INTS13: variants seen among roughly 807,000 people sequenced by gnomAD.
INTS13 encodes the protein asunder, spermatogenesis regulator homolog (Drosphila).
A neutral mutation model predicts 90.2 loss-of-function variants in INTS13; 35 were observed. The observed-to-expected ratio is 0.39, with a 90% CI of 0.30 to 0.51. The LOEUF (loss-of-function observed/expected upper bound fraction) is 0.51, where lower values mean the gene tolerates loss of function less well. INTS13 is among the 20% of genes least tolerant of loss of function. The pLI is 0.80. For synonymous variants in INTS13, 309 were observed against 277.1 expected, an observed-to-expected ratio of 1.11 and a Z score of -1.14; for missense variants, 601 against 851.2, an observed-to-expected ratio of 0.71 and a Z score of 3.66.
chr12:26,938,296 C>T (rs1000719707), upstream of INTS13: 4 of 152,330 alleles, frequency 2.6e-5, no homozygotes, highest in African/African-American at 9.6e-5. Flanking sequence ...TCTCTCCACC[C>T]AGGCCGGTTT....
chr12:26,928,243 C>T lies in INTS13; in HGVS notation c.546G>A (p.Thr182=). 5.6e-6 allele frequency: 9 copies of T among 1,610,700 alleles called. No homozygotes were observed. The highest frequency in any genetic ancestry group is 6.8e-6 in the Non-Finnish European group (8 of 1,177,504). ...CAGCAAGCTTGTTATGTTCATGAATCGTTTCCTGGACACAGTCTTCAAGCA... is the reference window on the plus strand; with the variant it reads ...CAGCAAGCTTGTTATGTTCATGAATTGTTTCCTGGACACAGTCTTCAAGCA... The part of the protein sequence containing the change: ...VRMLEDCVQE[T]IHEHNKLAAN... Residue 182 remains threonine, a synonymous_variant, in exon 5 of 17, where the codon ACG becomes ACA. Transcript: ENST00000261191.
At chr12:26,920,159 G>C (rs758011249) in intron 8 of INTS13, among the ~76,000 whole-genome samples, 13 of 150,782 alleles carry the variant, frequency 8.6e-5, no homozygotes, top group Non-Finnish European at 1.5e-5. Flanking sequence ...ACTTAGGGAA[G>C]GTATCTGGGC....
intron 8 of INTS13, among the ~76,000 whole-genome samples, chr12:26,921,468 C>A (rs760063479): frequency 1.3e-5 from 2 of 152,050 alleles, no homozygotes; most frequent in Non-Finnish European, 2.9e-5. Context: ...CAGTCTTTTC[C>A]GAAGTAAATT....
chr12:26,931,431 G>A (rs896178278), intron 3 of INTS13, among the ~76,000 whole-genome samples: 18 of 147,830 alleles, frequency 1.2e-4, no homozygotes, highest in East Asian at 8.1e-4. Context: ...GCAACAGAGC[G>A]AGACTCTGTC....
At chr12:26,921,556 G>T (rs570651898) in intron 8 of INTS13, among the ~76,000 whole-genome samples, 2 of 152,194 alleles carry the variant, frequency 1.3e-5, no homozygotes, top group African/African-American at 4.8e-5. Flanking sequence ...TAGTCAGTCT[G>T]GTTTGTACTG....
chr12:26,934,671 TTCAC>T (rs1279553254), intron 2 of INTS13, 41 bp from the exon 3 acceptor site: 3 of 1,369,382 alleles, frequency 2.2e-6, no homozygotes, highest in Non-Finnish European at 3.1e-6. Flanking sequence ...CAACTCTAAT[TTCAC>T]TCAATCACCA....
At chr12:26,916,392 C>T (rs956750420) in intron 10 of INTS13, among the ~76,000 whole-genome samples, 2 of 152,186 alleles carry the variant, frequency 1.3e-5, no homozygotes, top group African/African-American at 2.4e-5. Flanking sequence ...ATAGTTAATA[C>T]AGTTTCTCAC....
In INTS13 at chr12:26,915,991, T is replaced by C; in HGVS notation, c.1248+11A>G. The C allele has an allele frequency of 6.3e-7, 1 of 1,593,654 alleles. No individual in the cohort carries two copies. Among genetic ancestry groups the C allele is most frequent in the South Asian group, 1.1e-5 (1 of 88,656 alleles). On this transcript the variant is annotated intron_variant, in intron 11 of 16. Coordinates refer to ENST00000261191, the MANE Select transcript of INTS13 (RefSeq NM_018164.3). ...TTCAAAACTTAAAATTTATAGATAT[T>C]AGAGTCTTACTGTAATCCGGTAGTC... is the stretch of plus-strand genomic sequence containing the variant.
At chr12:26,922,760 TATTA>T in intron 7 of INTS13, 60 bp from the exon 8 acceptor site, 1 of 1,054,958 alleles carries the variant, frequency 9.5e-7, no homozygotes, top group Non-Finnish European at 1.4e-6. Flanking sequence ...ATAATAAAAT[TATTA>T]ATTATTCATT....
chr12:26,936,814 C>T lies in INTS13; in HGVS notation c.-11G>A, dbSNP rs773107547. ...AGAAAAAATCTTCATTTTGTTTTAA[C>T]CTGTAAGGGGAAAAACATATTAGCC... On this transcript the variant is annotated splice_region_variant and 5_prime_UTR_variant, in exon 2 of 17. Coordinates refer to ENST00000261191, the MANE Select transcript of INTS13 (RefSeq NM_018164.3). The T allele has an allele frequency of 6.3e-6, 10 of 1,593,742 alleles. No individual in the cohort carries two copies. The Admixed American group carries it at 1.3e-4, about 21-fold the overall frequency.
intron 11 of INTS13, among the ~76,000 whole-genome samples, chr12:26,915,707 AGAAATT>A (rs1951912970): frequency 6.6e-6 from 1 of 152,236 alleles, no homozygotes; most frequent in African/African-American, 2.4e-5. Flanking sequence ...TTAAATTACT[AGAAATT>A]AAGTTTCACC....
At chr12:26,916,260 TTTTTCA>T in intron 10 of INTS13, 80 bp from the exon 11 acceptor site, 1 of 1,263,202 alleles carries the variant, frequency 7.9e-7, no homozygotes, top group Middle Eastern at 1.9e-4. Flanking sequence ...ATGTCTAGAT[TTTTTCA>T]TTTTATTTAT....
At chr12:26,927,852 G>A (rs1937969140) in intron 5 of INTS13, among the ~76,000 whole-genome samples, 1 of 152,082 alleles carries the variant, frequency 6.6e-6, no homozygotes, top group Admixed American at 6.6e-5. Flanking sequence ...CTGAGCTCAG[G>A]TTATCTCTCC....
intron 4 of INTS13, 85 bp from the exon 5 acceptor site, chr12:26,928,370 G>GTTA: frequency 9.4e-7 from 1 of 1,068,010 alleles, no homozygotes; most frequent in Non-Finnish European, 1.4e-6. Context: ...TTAATATGGT[G>GTTA]TTATAGACAT....
At chr12:26,937,421 C>CCAGGT (rs1938527372) in intron 1 of INTS13, among the ~76,000 whole-genome samples, 1 of 152,220 alleles carries the variant, frequency 6.6e-6, no homozygotes, top group South Asian at 2.1e-4. Flanking sequence ...TTTGAAACAT[C>CCAGGT]ACAGTAATTT....
intron 3 of INTS13, 151 bp downstream of exon 3, chr12:26,934,405 G>GC (rs1938353411): frequency 1.7e-6 from 1 of 603,922 alleles, no homozygotes; most frequent in Non-Finnish European, 2.9e-6. Flanking sequence ...TGTAGGGAAA[G>GC]CCTAGAATGG....
intron 9 of INTS13, 95 bp from the exon 10 acceptor site, chr12:26,917,536 G>A (rs1951972620): frequency 4.1e-6 from 5 of 1,227,546 alleles, no homozygotes; most frequent in African/African-American, 3.1e-5. Context: ...AGTTCATTGA[G>A]TCCTGAAACA....
intron 15 of INTS13, among the ~76,000 whole-genome samples, chr12:26,909,355 C>T (rs543200135): frequency 6.6e-6 from 1 of 152,170 alleles, no homozygotes; most frequent in South Asian, 2.1e-4. Flanking sequence ...GAGTGGACTC[C>T]ATCTCAATAA....
At chr12:26,911,820 G>C (rs979689234) in intron 14 of INTS13, among the ~76,000 whole-genome samples, 35 of 152,298 alleles carry the variant, frequency 2.3e-4, no homozygotes, top group African/African-American at 8.2e-4. Flanking sequence ...ATATACAAGA[G>C]TGTACTTGAA....
Sources: allele counts gnomAD v4.1 joint callset (sites outside exome capture counted in the v4.1 genomes callset), GRCh38; gene constraint gnomAD v4.1.1; transcripts MANE v1.5; gene names NCBI Gene and HGNC (gene_info 2026-07-23, HGNC 2026-07-21).